The following IGSF10 variants were observed in gnomAD, a reference collection of about 807,000 sequenced individuals.
IGSF10 encodes the protein calvaria mechanical force protein 608.
A neutral mutation model predicts 128.2 loss-of-function variants in IGSF10; 126 were observed. The observed-to-expected ratio is 0.98, with a 90% CI of 0.85 to 1.14. The LOEUF is 1.14. IGSF10 is among the 50% of genes most tolerant of loss of function. The probability of loss-of-function intolerance (pLI) is 0.00; values close to 1 mark genes in which losing one functional copy is unlikely to be tolerated. For synonymous variants in IGSF10, 1,185 were observed against 1,146.2 expected, an observed-to-expected ratio of 1.03 and a Z score of -0.68; for missense variants, 3,295 against 3,149.8, an observed-to-expected ratio of 1.05 and a Z score of -1.10.
At chr3:151,509,024 G>A in the IGSF10 span, among the ~76,000 whole-genome samples, 25 of 152,004 alleles carry the variant, frequency 1.6e-4, no homozygotes, top group African/African-American at 4.6e-4. Context: ...CTGATGCAGC[G>A]TCTGAAAACT....
chr3:151,558,519 ATTTTTT>A, the IGSF10 span, among the ~76,000 whole-genome samples: 9 of 148,216 alleles, frequency 6.1e-5, no homozygotes, highest in Non-Finnish European at 7.5e-5. Flanking sequence ...CCATGAATAC[ATTTTTT>A]TTTTTTTGAG....
At chr3:151,435,079 T>TTTTC (rs1719975197), downstream of IGSF10, 1 of 148,396 alleles carries the variant, frequency 6.7e-6, no homozygotes, top group Admixed American at 6.7e-5. Context: ...TTTTTTTTTT[T>TTTTC]TTTCTTTTCT....
the IGSF10 span, among the ~76,000 whole-genome samples, chr3:151,481,311 G>C: frequency 6.6e-6 from 1 of 152,266 alleles, no homozygotes; most frequent in East Asian, 1.9e-4. Context: ...TCTGTAAGGA[G>C]GGGTATCATC....
chr3:151,488,085 A>T, the IGSF10 span, among the ~76,000 whole-genome samples: 1 of 152,178 alleles, frequency 6.6e-6, no homozygotes, highest in Admixed American at 6.5e-5. Context: ...AAACCCCATC[A>T]TCACAGCCCA....
the IGSF10 span, among the ~76,000 whole-genome samples, chr3:151,523,973 A>C: frequency 6.6e-6 from 1 of 152,206 alleles, no homozygotes; most frequent in South Asian, 2.1e-4. Context: ...GAAAAACAAA[A>C]CCCCATTAAA....
the IGSF10 span, among the ~76,000 whole-genome samples, chr3:151,504,899 T>C: frequency 0.82 from 125,320 of 152,210 alleles, 51,685 homozygotes; most frequent in Middle Eastern, 0.93. Flanking sequence ...CCATCTGAGA[T>C]GGCCTCAGCC....
chr3:151,486,842 G>A, the IGSF10 span, among the ~76,000 whole-genome samples: 1 of 152,208 alleles, frequency 6.6e-6, no homozygotes, highest in African/African-American at 2.4e-5. Context: ...GCAGTGTGTA[G>A]AGGGAAATTT....
chr3:151,517,001 C>T, the IGSF10 span, among the ~76,000 whole-genome samples: 1 of 151,892 alleles, frequency 6.6e-6, no homozygotes, highest in Admixed American at 6.6e-5. Flanking sequence ...GTGACATTGC[C>T]TGGAAGTCTT....
chr3:151,433,382 T>G (rs1401268891), downstream of IGSF10: 2 of 152,644 alleles, frequency 1.3e-5, no homozygotes, highest in African/African-American at 2.4e-5. Context: ...TATGTAGGAC[T>G]CTTCTTTGCT....
chr3:151,595,945 T>C, the IGSF10 span, among the ~76,000 whole-genome samples: 11 of 151,994 alleles, frequency 7.2e-5, no homozygotes, highest in Non-Finnish European at 1.0e-4. Flanking sequence ...TTACTGAGAG[T>C]AGATTTTAGG....
At chr3:151,482,510 G>C in the IGSF10 span, among the ~76,000 whole-genome samples, 5 of 152,088 alleles carry the variant, frequency 3.3e-5, no homozygotes, top group African/African-American at 1.2e-4. Flanking sequence ...ACATGACTCA[G>C]AGGGGCAAAA....
In IGSF10 at chr3:151,438,528, A is replaced by G; in HGVS notation, c.6033T>C (p.Ser2011=). Residue 2011 remains serine, a synonymous_variant, in exon 8 of 8, where the codon AGT becomes AGC. Coordinates refer to ENST00000282466, the MANE Select transcript of IGSF10 (RefSeq NM_178822.5). The part of the protein sequence containing the change: ...LFIGSVTEKD[S]GVYLCVARNK... ...TTCTTGCCACACACAAGTAGACACCACTGTCTTTTTCTGTTACTGATCCAA... is the reference window on the plus strand; with the variant it reads ...TTCTTGCCACACACAAGTAGACACCGCTGTCTTTTTCTGTTACTGATCCAA... The G allele has an allele frequency of 6.2e-7, 1 of 1,613,966 alleles. No homozygotes were observed. The highest frequency in any genetic ancestry group is 1.6e-4 in the Middle Eastern group (1 of 6,062).
At chr3:151,474,750 G>A in the IGSF10 span, among the ~76,000 whole-genome samples, 1 of 152,198 alleles carries the variant, frequency 6.6e-6, no homozygotes, top group East Asian at 1.9e-4. Context: ...GTTCTACATG[G>A]CTGGGGAAGC....
At chr3:151,565,519 C>G in the IGSF10 span, among the ~76,000 whole-genome samples, 1 of 152,098 alleles carries the variant, frequency 6.6e-6, no homozygotes, top group Non-Finnish European at 1.5e-5. Context: ...AAAGCCAGGC[C>G]TGCCTCCAGG....
the IGSF10 span, among the ~76,000 whole-genome samples, chr3:151,609,382 C>T: frequency 6.6e-6 from 1 of 152,056 alleles, no homozygotes; most frequent in African/African-American, 2.4e-5. Context: ...GGTAAGTTAC[C>T]CGATCTTCTG....
chr3:151,609,421 C>T, the IGSF10 span, among the ~76,000 whole-genome samples: 2 of 152,062 alleles, frequency 1.3e-5, no homozygotes, highest in South Asian at 2.1e-4. Context: ...TCTGAGAAGC[C>T]GGATGGTTCC....
chr3:151,492,329 G>A, the IGSF10 span, among the ~76,000 whole-genome samples: 2 of 152,126 alleles, frequency 1.3e-5, no homozygotes, highest in Admixed American at 1.3e-4. Context: ...CCATTAGGAT[G>A]ACTATCATCA....
At chr3:151,532,983 C>G in the IGSF10 span, among the ~76,000 whole-genome samples, 1 of 152,154 alleles carries the variant, frequency 6.6e-6, no homozygotes, top group Non-Finnish European at 1.5e-5. Flanking sequence ...ATACAAAAAT[C>G]AATGTGCAAA....
At chr3:151,528,619 C>T in the IGSF10 span, among the ~76,000 whole-genome samples, 1 of 152,156 alleles carries the variant, frequency 6.6e-6, no homozygotes, top group African/African-American at 2.4e-5. Context: ...ATTTCCCTCC[C>T]CTAGCCAAGG....
Sources: gnomAD v4.1 joint callset for allele counts (sites outside exome capture counted in the v4.1 genomes callset) on GRCh38, gnomAD v4.1.1 for gene constraint, MANE v1.5 for transcripts, NCBI Gene and HGNC (gene_info 2026-07-23, HGNC 2026-07-21) for gene names.